NSD3: variants seen among roughly 807,000 people sequenced by gnomAD.
NSD3 encodes the protein nuclear receptor binding SET domain protein 3.
Under a neutral mutation model 160.8 loss-of-function variants are expected in NSD3, and 24 were observed. The observed-to-expected ratio is 0.15, with a 90% CI of 0.11 to 0.21. The LOEUF is 0.21. Ranked by LOEUF, NSD3 falls within the 10% of genes least tolerant of loss-of-function variation. The pLI is 1.00. For synonymous variants in NSD3, 520 were observed against 600.0 expected (o/e 0.87, Z 1.95); for missense variants, 1,157 against 1,735.9 (o/e 0.67, Z 5.93).
chr8:38,318,061 C>G lies in NSD3; in HGVS notation c.1855+834G>C, dbSNP rs1340284415. On this transcript the variant is annotated intron_variant, in intron 9 of 23. Coordinates refer to ENST00000317025, the MANE Select transcript of NSD3 (RefSeq NM_023034.2). The surrounding 1 kb of genome is among the most constrained non-coding windows in gnomAD (Gnocchi z 5.3). The stretch of plus-strand genomic sequence containing the variant: ...ACCCTGTGGAATGGTGGAAACACAA[C>G]GCAATCAGGCCTCCTAATCTCGCAG... 6.2e-7 allele frequency: 1 copy of G among 1,613,820 alleles called. No homozygotes were observed. The highest frequency in any genetic ancestry group is 8.5e-7 in the Non-Finnish European group (1 of 1,179,910).
At chr8:38,357,525 A>AT (rs977881176) in intron 1 of NSD3, among the ~76,000 whole-genome samples, 12 of 151,280 alleles carry the variant, frequency 7.9e-5, no homozygotes, top group African/African-American at 1.7e-4. Context: ...TTCCTTTTTT[A>AT]TTTTTTTTGC....
chr8:38,342,126 T>A (rs540944734), intron 2 of NSD3, among the ~76,000 whole-genome samples: 1 of 152,304 alleles, frequency 6.6e-6, no homozygotes, highest in South Asian at 2.1e-4. Flanking sequence ...AATAAGTGGC[T>A]AGGGAGCGAA....
intron 1 of NSD3, among the ~76,000 whole-genome samples, chr8:38,375,775 T>A (rs1811373113): frequency 6.6e-6 from 1 of 152,024 alleles, no homozygotes; most frequent in Non-Finnish European, 1.5e-5. Context: ...AAATGAATCA[T>A]CTTAGTTGCT....
At chr8:38,376,718 T>A (rs1391251490) in intron 1 of NSD3, among the ~76,000 whole-genome samples, 1 of 152,198 alleles carries the variant, frequency 6.6e-6, no homozygotes, top group East Asian at 1.9e-4. Flanking sequence ...GTTACAGGCG[T>A]GAGCCACTGC....
intron 2 of NSD3, among the ~76,000 whole-genome samples, chr8:38,344,560 AC>A (rs1161023405): frequency 1.3e-4 from 20 of 152,320 alleles, no homozygotes; most frequent in African/African-American, 4.6e-4. Flanking sequence ...AGATTGAGCC[AC>A]CATGCCCGGA....
chr8:38,349,697 T>TATATATATATATA (rs1585912859), intron 1 of NSD3, among the ~76,000 whole-genome samples: 2 of 89,882 alleles, frequency 2.2e-5, no homozygotes, highest in Non-Finnish European at 4.9e-5. Context: ...ATATATGTAT[T>TATATATATATATA]TATTATACTT....
In NSD3 at chr8:38,316,988, C is replaced by T; in HGVS notation, c.1856-946G>A. On this transcript the variant is annotated intron_variant, in intron 9 of 23. Transcript: ENST00000317025. The surrounding 1 kb of genome is among the most constrained non-coding windows in gnomAD (Gnocchi z 4.5). ...AGGAGACGGTTAATATTTCAACCCACAGTTTGTGTTTTGGATTTTTTCCCC... is the reference window on the plus strand; with the variant it reads ...AGGAGACGGTTAATATTTCAACCCATAGTTTGTGTTTTGGATTTTTTCCCC... The T allele has an allele frequency of 1.9e-6, 2 of 1,060,102 alleles. No individual in the cohort carries two copies. Among genetic ancestry groups the T allele is most frequent in the Non-Finnish European group, 2.3e-6 (2 of 876,044 alleles). The allele number at this position is 1,060,102 out of a possible 1,614,324, so 65.7% of individuals were successfully genotyped here.
chr8:38,366,371 T>C (rs1050280765), intron 1 of NSD3, among the ~76,000 whole-genome samples: 4 of 151,020 alleles, frequency 2.6e-5, no homozygotes, highest in Non-Finnish European at 5.9e-5. Flanking sequence ...ACAAATATAG[T>C]AATCACAAGG....
intron 1 of NSD3, among the ~76,000 whole-genome samples, chr8:38,371,360 A>G (rs1408562818): frequency 3.9e-5 from 6 of 152,196 alleles, no homozygotes; most frequent in African/African-American, 9.6e-5. Flanking sequence ...ATTAAAAAAT[A>G]AAAACCAACA....
At chr8:38,287,562 T>A (rs1251745336) in intron 19 of NSD3, among the ~76,000 whole-genome samples, 1 of 152,218 alleles carries the variant, frequency 6.6e-6, no homozygotes, top group Non-Finnish European at 1.5e-5. Context: ...AGGAAGAATT[T>A]CACTCTGCTA....
intron 2 of NSD3, among the ~76,000 whole-genome samples, chr8:38,343,585 C>A (rs982366114): frequency 6.6e-6 from 1 of 152,006 alleles, no homozygotes; most frequent in Non-Finnish European, 1.5e-5. Flanking sequence ...CCCCTGTAAT[C>A]CCAGCTACTG....
At position 38,276,490 on chromosome 8, in the gene NSD3, G is replaced by A. The variant is rs753149466; in HGVS notation, c.3878C>T (p.Ala1293Val). The change falls in exon 23 of 24, where the codon GCG (alanine) becomes GTG (valine). Residue 1293 changes from alanine (A) to valine (V), a missense_variant. This residue lies in a region of NSD3 where 222 missense variants were observed against 409.9 expected (regional missense o/e 0.54). Coordinates refer to ENST00000317025, the MANE Select transcript of NSD3 (RefSeq NM_023034.2). The stretch of plus-strand genomic sequence containing the variant: ...TTTTGCCTTCTCTTCATTTGTTGAC[G>A]CACATGCCGACTGGCAGGAAAGAAA... ...FLGVRPKSAC[A>V]STNEEKAKNA... The A allele has an allele frequency of 1.4e-5, 22 of 1,613,936 alleles. No homozygotes were observed. Among genetic ancestry groups the A allele is most frequent in the East Asian group, 2.2e-5 (1 of 44,884 alleles).
intron 12 of NSD3, among the ~76,000 whole-genome samples, chr8:38,309,923 T>G (rs1406753608): frequency 3.9e-5 from 6 of 152,220 alleles, no homozygotes; most frequent in Admixed American, 3.9e-4. Context: ...TAAATGACCT[T>G]AAACAATGGT....
chr8:38,365,018 A>C (rs1811073126), intron 1 of NSD3, among the ~76,000 whole-genome samples: 1 of 152,230 alleles, frequency 6.6e-6, no homozygotes, highest in African/African-American at 2.4e-5. Flanking sequence ...AATGAGACTG[A>C]CTAGTCAAAA....
At chr8:38,294,066 G>GT (rs1563345287) in intron 16 of NSD3, among the ~76,000 whole-genome samples, 1 of 151,010 alleles carries the variant, frequency 6.6e-6, no homozygotes, top group Non-Finnish European at 1.5e-5. Context: ...AAAATGTAGA[G>GT]TTTTTTAGTT....
chr8:38,345,211 G>C (rs997808405), intron 2 of NSD3, among the ~76,000 whole-genome samples: 52 of 150,436 alleles, frequency 3.5e-4, no homozygotes, highest in African/African-American at 1.2e-3. Context: ...AGGGGTGAGA[G>C]GGAGAGGGAG....
chr8:38,314,560 A>G (rs1318123550), intron 12 of NSD3, 87 bp downstream of exon 12: 6 of 1,550,968 alleles, frequency 3.9e-6, no homozygotes, highest in Non-Finnish European at 5.3e-6. Context: ...AGTGATGGGA[A>G]CAAGATGTCC....
At chr8:38,296,940 C>T (rs1809163822) in intron 15 of NSD3, among the ~76,000 whole-genome samples, 3 of 152,018 alleles carry the variant, frequency 2.0e-5, no homozygotes, top group Non-Finnish European at 4.4e-5. Flanking sequence ...TATATAACTG[C>T]CAATCAGAGA....
chr8:38,318,079 T>C lies in NSD3; in HGVS notation c.1855+816A>G. ...AACACAACGCAATCAGGCCTCCTAA[T>C]CTCGCAGCGATCGCGATGTCTTTTC... On this transcript the variant is annotated intron_variant, in intron 9 of 23. Transcript: ENST00000317025. The surrounding 1 kb of genome is among the most constrained non-coding windows in gnomAD (Gnocchi z 5.3). 3 of 1,612,222 alleles carry C rather than the reference T, an allele frequency of 1.9e-6. No individual in the cohort carries two copies. Among genetic ancestry groups the C allele is most frequent in the Non-Finnish European group, 2.5e-6 (3 of 1,179,044 alleles).
Sources: allele counts gnomAD v4.1 joint callset (sites outside exome capture counted in the v4.1 genomes callset), GRCh38; gene constraint gnomAD v4.1.1; regional missense constraint gnomAD v4.1.1; non-coding constraint Gnocchi (gnomAD v3.1); transcripts MANE v1.5; gene names NCBI Gene and HGNC (gene_info 2026-07-23, HGNC 2026-07-21).